MIA3: variants seen among roughly 807,000 people sequenced by gnomAD.
The protein encoded by MIA3 is transport and Golgi organization protein 1 homolog.
MIA3 carries 90 observed loss-of-function variants against 192.4 expected under a neutral mutation model. That is an observed-to-expected ratio of 0.47 (90% CI 0.39 to 0.56). The LOEUF (loss-of-function observed/expected upper bound fraction) is 0.56. MIA3 is among the 20% of genes least tolerant of loss of function. The pLI, the probability that MIA3 is intolerant of heterozygous loss-of-function variation, is 0.00. For missense variants in MIA3, 2,123 were observed against 2,269.4 expected (o/e 0.94, Z 1.31); for synonymous variants, 740 against 792.8 (o/e 0.93, Z 1.12).
rs944333876 is a variant in MIA3 at position 222,665,985 on chromosome 1, A to C, written c.*366A>C. ...TTCCATTATCCTATTTTTAGTGTACACCAGCTGAATACGGAGCAATGGTGT... is the reference window on the plus strand; with the variant it reads ...TTCCATTATCCTATTTTTAGTGTACCCCAGCTGAATACGGAGCAATGGTGT... On this transcript the variant is annotated 3_prime_UTR_variant, in exon 28 of 28. Coordinates refer to ENST00000344922, the MANE Select transcript of MIA3 (RefSeq NM_198551.4). 1 of 165,312 alleles carries C rather than the reference A, an allele frequency of 6.0e-6. No homozygotes were observed. The highest frequency in any genetic ancestry group is 1.3e-5 in the Non-Finnish European group (1 of 77,226). The allele number at this position is 165,312 out of a possible 1,614,324, so 10.2% of individuals were successfully genotyped here.
chr1:222,628,332 G>T lies in MIA3; in HGVS notation c.1112G>T (p.Gly371Val), dbSNP rs751823654. The T allele has an allele frequency of 6.2e-7, 1 of 1,613,494 alleles. No homozygotes were observed. Among genetic ancestry groups the T allele is most frequent in the Non-Finnish European group, 8.5e-7 (1 of 1,179,874 alleles). The change falls in exon 4 of 28, where the codon GGC (glycine) becomes GTC (valine). Residue 371 changes from glycine (G) to valine (V), a missense_variant. Transcript: ENST00000344922. ...AAGGTTCAGCTAACTGTGCCCCCTG[G>T]CATCAAAAATGATGATAAAAATATA... The part of the protein sequence containing the change: ...EDKVQLTVPP[G>V]IKNDDKNILT...
At position 222,653,216 on chromosome 1, in the gene MIA3, CTTCTT is replaced by C. The variant is rs1663534241; in HGVS notation, c.4210-7_4210-3del. 1 of 1,604,896 alleles carries C rather than the reference CTTCTT, an allele frequency of 6.2e-7. No individual in the cohort carries two copies. The highest frequency in any genetic ancestry group is 1.7e-5 in the Admixed American group (1 of 59,574). On this transcript the variant is annotated splice_region_variant and splice_polypyrimidine_tract_variant and intron_variant, in intron 14 of 27. Coordinates refer to ENST00000344922, the MANE Select transcript of MIA3 (RefSeq NM_198551.4). ...TGGAAAGACTCTTAATGCCCTTTTA[CTTCTT>C]TTCTAGGCTTTGACTAACTGCATTA... is the stretch of plus-strand genomic sequence containing the variant.
At chr1:222,662,678 G>T (rs2124932025) in intron 26 of MIA3, 1 of 176,660 alleles carries the variant, frequency 5.7e-6, no homozygotes, top group East Asian at 1.9e-4. Context: ...CATTTAACCT[G>T]TGTAGAGCAT....
At chr1:222,648,494 T>C (rs891179909) in intron 7 of MIA3, among the ~76,000 whole-genome samples, 6 of 152,178 alleles carry the variant, frequency 3.9e-5, no homozygotes, top group Admixed American at 3.9e-4. Flanking sequence ...AACGTTAATA[T>C]ATTTATTACA....
chr1:222,644,523 G>A (rs753502540), intron 6 of MIA3: 4 of 1,550,650 alleles, frequency 2.6e-6, no homozygotes, highest in Non-Finnish European at 3.5e-6. Context: ...CTACCCCGGG[G>A]GACCCGGAAC....
intron 26 of MIA3, 109 bp downstream of exon 26, chr1:222,662,441 T>C: frequency 6.4e-7 from 1 of 1,564,428 alleles, no homozygotes. Context: ...TACTATCTCA[T>C]TTATTTTTTA....
chr1:222,665,472 A>G lies in MIA3; in HGVS notation c.5577A>G (p.Arg1859=). ...GPREYFIPGT[R]LPPPTHGPQE... is the part of the protein sequence containing the mutation. Reference sequence around the variant, plus strand: ...GAGAGTACTTTATTCCTGGTACCCGATTACCACCCCCAACCCATGGTCCCC... The same window carrying G: ...GAGAGTACTTTATTCCTGGTACCCGGTTACCACCCCCAACCCATGGTCCCC... The change falls in exon 28 of 28, where the codon CGA becomes CGG. Residue 1859 remains arginine, a synonymous_variant. Transcript: ENST00000344922. The G allele has an allele frequency of 6.2e-7, 1 of 1,613,854 alleles. No individual in the cohort carries two copies. Among genetic ancestry groups the G allele is most frequent in the East Asian group, 2.2e-5 (1 of 44,868 alleles).
intron 6 of MIA3, among the ~76,000 whole-genome samples, chr1:222,635,894 C>T (rs1032019105): frequency 1.3e-5 from 2 of 152,196 alleles, no homozygotes; most frequent in Non-Finnish European, 2.9e-5. Flanking sequence ...CTATACATTC[C>T]TTTGTTGCCT....
chr1:222,662,578 A>G (rs1664074548), intron 26 of MIA3: 38 of 1,004,076 alleles, frequency 3.8e-5, no homozygotes, highest in Non-Finnish European at 5.0e-5. Context: ...TTGCATGGCA[A>G]TATTGATCTT....
At position 222,618,097 on chromosome 1, in the gene MIA3, G is replaced by A. The variant is rs1362776156; in HGVS notation, c.-14G>A. ...TCCTCCTCCGCGTCACCGGCTCCCC[G>A]AGGTGACCACAACATGGCTGCGGCG... On this transcript the variant is annotated 5_prime_UTR_variant, in exon 1 of 28. Transcript: ENST00000344922. 3.1e-6 allele frequency: 4 copies of A among 1,290,162 alleles called. No individual in the cohort carries two copies. In the African/African-American group the frequency reaches 6.6e-5, roughly 21 times the overall value. The allele number at this position is 1,290,162 out of a possible 1,614,324, so 79.9% of individuals were successfully genotyped here.
intron 18 of MIA3, among the ~76,000 whole-genome samples, chr1:222,657,797 C>A (rs1663813536): frequency 6.6e-6 from 1 of 152,188 alleles, no homozygotes; most frequent in African/African-American, 2.4e-5. Context: ...AGTATAACCA[C>A]TCATAAAATA....
intron 6 of MIA3, among the ~76,000 whole-genome samples, chr1:222,644,133 TC>T (rs1438955702): frequency 6.6e-6 from 1 of 152,232 alleles, no homozygotes; most frequent in Non-Finnish European, 1.5e-5. Context: ...AGTCGCCGGT[TC>T]CTGGCGAAAG....
At chr1:222,645,964 AAAAG>A (rs1215349502) in intron 7 of MIA3, 1 of 308,020 alleles carries the variant, frequency 3.2e-6, no homozygotes, top group Non-Finnish European at 6.1e-6. Flanking sequence ...ACAAAGGATG[AAAAG>A]AAAGAATTAG....
Position 222,645,602 on chromosome 1 carries a change from G to A in MIA3, c.3526G>A (p.Gly1176Arg). 4 of 1,613,508 alleles carry A rather than the reference G, an allele frequency of 2.5e-6. No individual in the cohort carries two copies. Among genetic ancestry groups the A allele is most frequent in the South Asian group, 1.1e-5 (1 of 91,020 alleles). The change falls in exon 7 of 28, where the codon GGA (glycine) becomes AGA (arginine). Residue 1176 changes from glycine to arginine, a missense_variant. Coordinates refer to ENST00000344922, the MANE Select transcript of MIA3 (RefSeq NM_198551.4). Reference sequence around the variant, plus strand: ...TGTTCAGCCTGGGCCTGATTTTTATGGACTGCCATGGAAACCTGTATTTAT... The same window carrying A: ...TGTTCAGCCTGGGCCTGATTTTTATAGACTGCCATGGAAACCTGTATTTAT... ...DDVQPGPDFY[G>R]LPWKPVFITA...
chr1:222,623,976 C>T (rs980791849), intron 2 of MIA3, among the ~76,000 whole-genome samples: 1 of 152,188 alleles, frequency 6.6e-6, no homozygotes, highest in Non-Finnish European at 1.5e-5. Context: ...CAGTATAGCA[C>T]ATCATATGTG....
intron 1 of MIA3, among the ~76,000 whole-genome samples, chr1:222,620,070 AG>A (rs1661788664): frequency 6.6e-6 from 1 of 152,206 alleles, no homozygotes; most frequent in Non-Finnish European, 1.5e-5. Flanking sequence ...ATTATATCTG[AG>A]CTACAAAGCT....
At chr1:222,618,702 G>A (rs1661724941) in intron 1 of MIA3, among the ~76,000 whole-genome samples, 1 of 151,908 alleles carries the variant, frequency 6.6e-6, no homozygotes, top group Non-Finnish European at 1.5e-5. Context: ...ACCTCGGTGG[G>A]TGCATCACCC....
chr1:222,627,302 G>A (rs1001284938), intron 3 of MIA3, among the ~76,000 whole-genome samples: 4 of 152,158 alleles, frequency 2.6e-5, no homozygotes, highest in African/African-American at 9.7e-5. Flanking sequence ...ACAGAAAACA[G>A]GATTGGGACT....
At position 222,621,202 on chromosome 1, in the gene MIA3, G is replaced by C; in HGVS notation, c.177G>C (p.Pro59=). 1 of 1,613,614 alleles carries C rather than the reference G, an allele frequency of 6.2e-7. No homozygotes were observed. Among genetic ancestry groups the C allele is most frequent in the Admixed American group, 1.7e-5 (1 of 59,970 alleles). The change falls in exon 2 of 28, where the codon CCG becomes CCC. Residue 59 remains proline, a synonymous_variant. Coordinates refer to ENST00000344922, the MANE Select transcript of MIA3 (RefSeq NM_198551.4). ...AGGCTCTTGAAGATTTCACAGGCCC[G>C]GATTGTCGTTTTGTGAATTTTAAAA... The part of the protein sequence containing the change: ...RGEALEDFTG[P]DCRFVNFKKG...
Sources: allele counts gnomAD v4.1 joint callset (sites outside exome capture counted in the v4.1 genomes callset), GRCh38; gene constraint gnomAD v4.1.1; transcripts MANE v1.5; gene names NCBI Gene and HGNC (gene_info 2026-07-23, HGNC 2026-07-21).